The following SLC29A2 variants were observed in gnomAD, a reference collection of about 807,000 sequenced individuals.
SLC29A2 encodes the protein solute carrier family 29 member 2.
SLC29A2 carries 37 observed loss-of-function variants against 48.8 expected under a neutral mutation model. The ratio of observed to expected loss-of-function variants is 0.76; its 90% CI spans 0.58 to 1.00. SLC29A2 has a LOEUF of 1.00. Among genes scored for constraint, SLC29A2 ranks in the 50% least tolerant of loss-of-function variants. The pLI is 0.00. For missense variants in SLC29A2, 533 were observed against 578.6 expected, an observed-to-expected ratio of 0.92 and a Z score of 0.81; for synonymous variants, 233 against 261.7, an observed-to-expected ratio of 0.89 and a Z score of 1.06.
chr11:66,366,307 GAGC>G (rs1855689949), intron 8 of SLC29A2, 76 bp from the exon 9 acceptor site: 2 of 1,595,844 alleles, frequency 1.3e-6, no homozygotes, highest in African/African-American at 2.7e-5. Context: ...CCCCATGTGG[GAGC>G]AGGACACTTG....
chr11:66,365,870 CT>C, intron 10 of SLC29A2, 65 bp downstream of exon 10: 2 of 1,475,068 alleles, frequency 1.4e-6, no homozygotes, highest in Non-Finnish European at 1.9e-6. Context: ...CCTCCATGCT[CT>C]TTCAAGCCCT....
Position 66,363,430 on chromosome 11 carries a change from G to A in SLC29A2, c.*6C>T. 6.3e-7 allele frequency: 1 copy of A among 1,596,980 alleles called. No homozygotes were observed. The highest frequency in any genetic ancestry group is 2.2e-5 in the East Asian group (1 of 44,798). On this transcript the variant is annotated 3_prime_UTR_variant, in exon 12 of 12. Coordinates refer to ENST00000357440, the MANE Select transcript of SLC29A2 (RefSeq NM_001532.3). ...AGAGGCTGCCAAAGAGCCTGGAGGG[G>A]CCACTTCAGAGCAGCGCCTTGAAGA... is the stretch of plus-strand genomic sequence containing the variant.
In SLC29A2 at chr11:66,368,631, C is replaced by T. The variant is rs1256747357; in HGVS notation, c.456G>A (p.Leu152=). 1.9e-6 allele frequency: 3 copies of T among 1,603,894 alleles called. No homozygotes were observed. Among genetic ancestry groups the T allele is most frequent in the Non-Finnish European group, 2.6e-6 (3 of 1,175,380 alleles). The change falls in exon 5 of 12, where the codon CTG becomes CTA. Residue 152 remains leucine (L), a synonymous_variant. Transcript: ENST00000357440. ...TGCTGTAGGTGGAGGGCATGGTGCC[C>T]AGCTGCCCGAAGAGGCTGCCCTGTA... ...AVLQGSLFGQ[L]GTMPSTYSTL...
rs751502040 is a variant in SLC29A2, at chr11:66,364,243, G to C, written c.1241C>G (p.Thr414Ser). The C allele has an allele frequency of 6.8e-6, 11 of 1,612,488 alleles. No homozygotes were observed. Among genetic ancestry groups the C allele is most frequent in the African/African-American group, 1.3e-5 (1 of 74,894 alleles). ...AVSNGYLVSL[T>S]MCLAPRQVLP... ...CCCGGACCTGGGCGCCAGGCACATG[G>C]TGAGGGACACCAGGTAGCCATTAGA... Residue 414 changes from threonine (T) to serine (S), a missense_variant, in exon 11 of 12, where the codon ACC becomes AGC. By Grantham distance (58) the Thr-to-Ser change is moderately conservative. Transcript: ENST00000357440.
In SLC29A2 at chr11:66,366,155, A is replaced by G; in HGVS notation, c.944T>C (p.Val315Ala). The change falls in exon 9 of 12, where the codon GTG becomes GCG. Residue 315 changes from valine to alanine, a missense_variant. Transcript: ENST00000357440. ...CTTCCCAGGACTGGTGGAGCTGGTC[A>G]CCATGGCTGTGATGGCGGGGAAGAC... is the stretch of plus-strand genomic sequence containing the variant. ...LSVFPAITAMVTSSTSPGKWS... is the reference protein window; with the variant it reads ...LSVFPAITAMATSSTSPGKWS... 1 of 1,614,206 alleles carries G rather than the reference A, an allele frequency of 6.2e-7. No homozygotes were observed. The highest frequency in any genetic ancestry group is 8.5e-7 in the Non-Finnish European group (1 of 1,180,018).
In SLC29A2 at chr11:66,371,281, G is replaced by A; in HGVS notation, c.74C>T (p.Thr25Ile). 3 of 1,613,886 alleles carry A rather than the reference G, an allele frequency of 1.9e-6. No homozygotes were observed. Among genetic ancestry groups the A allele is most frequent in the Non-Finnish European group, 2.5e-6 (3 of 1,180,016 alleles). ...GISFFILGLG[T>I]LLPWNFFITA... ...GATGAAGAAGTTCCAGGGAAGGAGG[G>A]TGCCCAGCCCCAGGATGAAGAAGCT... The change falls in exon 2 of 12, where the codon ACC becomes ATC. Residue 25 changes from threonine to isoleucine, a missense_variant. Thr to Ile is a moderately conservative substitution (Grantham distance 89). Transcript: ENST00000357440.
Position 66,366,170 on chromosome 11 carries a change from G to A in SLC29A2, c.929C>T (p.Ala310Val), listed in dbSNP as rs374487586. 13 of 1,614,080 alleles carry A rather than the reference G, an allele frequency of 8.1e-6. No individual in the cohort carries two copies. Among genetic ancestry groups the A allele is most frequent in the Non-Finnish European group, 5.9e-6 (7 of 1,180,042 alleles). The change falls in exon 9 of 12, where the codon GCC becomes GTC. Residue 310 changes from alanine (A) to valine (V), a missense_variant. Transcript: ENST00000357440. Reference protein sequence around the residue: ...VFTVTLSVFPAITAMVTSSTS... With the variant: ...VFTVTLSVFPVITAMVTSSTS... The stretch of plus-strand genomic sequence containing the variant: ...GGAGCTGGTCACCATGGCTGTGATG[G>A]CGGGGAAGACGGACAGGGTGACTGT...
chr11:66,364,411 C>T lies in SLC29A2; in HGVS notation c.1073G>A (p.Ser358Asn), dbSNP rs748068493. ...GCAGACCAGCAGGGGCAGCAGCCGG[C>T]TGTCCTCGTCTGGCTGTGGTAGAAG... ...TSYFLWPDED[S>N]RLLPLLVCLR... The change falls in exon 11 of 12, where the codon AGC (serine) becomes AAC (asparagine). Residue 358 changes from serine to asparagine, a missense_variant. Physicochemically the swap from Ser to Asn is conservative, Grantham distance 46 (BLOSUM62 1). Transcript: ENST00000357440. The T allele has an allele frequency of 2.5e-6, 4 of 1,610,414 alleles. No individual in the cohort carries two copies. Among genetic ancestry groups the T allele is most frequent in the Non-Finnish European group, 3.4e-6 (4 of 1,178,584 alleles).
In SLC29A2 at chr11:66,363,348, A is replaced by G. The variant is rs957550178; in HGVS notation, c.*88T>C. On this transcript the variant is annotated 3_prime_UTR_variant, in exon 12 of 12. Coordinates refer to ENST00000357440, the MANE Select transcript of SLC29A2 (RefSeq NM_001532.3). The stretch of plus-strand genomic sequence containing the variant: ...GGGGCCTCCACCCCGCAGAGGCCTG[A>G]GCCAAGCTCGCCATTCGCCCTGGGC... The G allele has an allele frequency of 3.7e-6, 4 of 1,093,002 alleles. No homozygotes were observed. Among genetic ancestry groups the G allele is most frequent in the Non-Finnish European group, 5.5e-6 (4 of 722,858 alleles). The allele number at this position is 1,093,002 out of a possible 1,614,324, so 67.7% of individuals were successfully genotyped here.
chr11:66,369,266 A>G, intron 3 of SLC29A2, 67 bp from the exon 4 acceptor site: 2 of 1,589,016 alleles, frequency 1.3e-6, no homozygotes, highest in South Asian at 2.2e-5. Flanking sequence ...AGGAGGCTCG[A>G]CACCTGGGGC....
Position 66,369,433 on chromosome 11 carries a change from C to T in SLC29A2, c.211G>A (p.Val71Met). The T allele has an allele frequency of 6.2e-7, 1 of 1,614,098 alleles. No homozygotes were observed. The highest frequency in any genetic ancestry group is 8.5e-7 in the Non-Finnish European group (1 of 1,179,994). The change falls in exon 3 of 12, where the codon GTG becomes ATG. Residue 71 changes from valine (V) to methionine (M), a missense_variant. Val to Met is a conservative substitution (Grantham distance 21). Coordinates refer to ENST00000357440, the MANE Select transcript of SLC29A2 (RefSeq NM_001532.3). ...PEDAFNFNNW[V>M]TLLSQLPLLL... ...AGGGGCAGCTGGGACAGCAGCGTCACCCAATTGTTGAAGTTGAAGGCATCC... is the reference window on the plus strand; with the variant it reads ...AGGGGCAGCTGGGACAGCAGCGTCATCCAATTGTTGAAGTTGAAGGCATCC...
In SLC29A2 at chr11:66,369,362, C is replaced by T; in HGVS notation, c.275+7G>A. 2 of 1,613,864 alleles carry T rather than the reference C, an allele frequency of 1.2e-6. No individual in the cohort carries two copies. Among genetic ancestry groups the T allele is most frequent in the Non-Finnish European group, 1.7e-6 (2 of 1,179,888 alleles). ...AGAGGGCGCAGGAGCCAGGGCAGGC[C>T]TCTCACCACTGGTACAGGAAGGAGT... is the stretch of plus-strand genomic sequence containing the variant. On this transcript the variant is annotated splice_region_variant and intron_variant, in intron 3 of 11. Coordinates refer to ENST00000357440, the MANE Select transcript of SLC29A2 (RefSeq NM_001532.3).
At position 66,366,464 on chromosome 11, in the gene SLC29A2, T is replaced by C; in HGVS notation, c.834A>G (p.Pro278=). 6.2e-7 allele frequency: 1 copy of C among 1,614,218 alleles called. No homozygotes were observed. The highest frequency in any genetic ancestry group is 1.1e-5 in the South Asian group (1 of 91,082). Residue 278 remains proline, a synonymous_variant, in exon 8 of 12, where the codon CCA becomes CCG. Coordinates refer to ENST00000357440, the MANE Select transcript of SLC29A2 (RefSeq NM_001532.3). ...PESEPDEPQK[P]GKPSVFTVFQ... ...AGACAGTGAAGACTGAAGGTTTTCC[T>C]GGCTTCTGGGGCTCATCTGGCTCTG...
In SLC29A2 at chr11:66,369,441, T is replaced by G; in HGVS notation, c.203A>C (p.Asn68Thr). ...HTGPEDAFNF[N>T]NWVTLLSQLP... ...CTGGGACAGCAGCGTCACCCAATTGTTGAAGTTGAAGGCATCCTCGGGACC... is the reference window on the plus strand; with the variant it reads ...CTGGGACAGCAGCGTCACCCAATTGGTGAAGTTGAAGGCATCCTCGGGACC... The change falls in exon 3 of 12, where the codon AAC becomes ACC. Residue 68 changes from asparagine (N) to threonine (T), a missense_variant. By Grantham distance (65) the Asn-to-Thr change is moderately conservative. Transcript: ENST00000357440. The G allele has an allele frequency of 1.2e-6, 2 of 1,614,074 alleles. No individual in the cohort carries two copies. The highest frequency in any genetic ancestry group is 1.7e-6 in the Non-Finnish European group (2 of 1,179,986).
In SLC29A2 at chr11:66,367,993, T is replaced by C. The variant is rs1048969349; in HGVS notation, c.551-124A>G. The C allele has an allele frequency of 8.0e-6, 6 of 752,476 alleles. No homozygotes were observed. The East Asian group carries it at 8.0e-5, about 10-fold the overall frequency. 46.6% of individuals were successfully genotyped at this position (752,476 alleles called of 1,614,324 possible). ...ACCCACTCCCAGCCTCTTCCGCTCCTCCCTTCACTGACAAATGGGAATCTT... is the reference window on the plus strand; with the variant it reads ...ACCCACTCCCAGCCTCTTCCGCTCCCCCCTTCACTGACAAATGGGAATCTT... On this transcript the variant is annotated intron_variant, in intron 5 of 11. Transcript: ENST00000357440.
chr11:66,369,384 G>T lies in SLC29A2; in HGVS notation c.260C>A (p.Ser87Tyr), dbSNP rs527456810. 1.2e-6 allele frequency: 2 copies of T among 1,614,112 alleles called. No homozygotes were observed. The highest frequency in any genetic ancestry group is 2.2e-5 in the South Asian group (2 of 91,082). The change falls in exon 3 of 12, where the codon TCC becomes TAC. Residue 87 changes from serine (S) to tyrosine (Y), a missense_variant. Coordinates refer to ENST00000357440, the MANE Select transcript of SLC29A2 (RefSeq NM_001532.3). The part of the protein sequence containing the change: ...LPLLLFTLLN[S>Y]FLYQCVPETV... ...GGCCTCTCACCACTGGTACAGGAAG[G>T]AGTTGAGGAGGGTGAAGAGCAGCAG...
At chr11:66,367,569 G>C in intron 6 of SLC29A2, 21 bp from the exon 7 acceptor site, 2 of 1,612,596 alleles carry the variant, frequency 1.2e-6, no homozygotes, top group Non-Finnish European at 8.5e-7. Flanking sequence ...ACAGGAAAGT[G>C]TTGGGCCTGC....
At chr11:66,371,897 C>G (rs1005017230), upstream of SLC29A2, 4 of 468,238 alleles carry the variant, frequency 8.5e-6, no homozygotes, top group Admixed American at 8.1e-5. Flanking sequence ...CTGCGGAACC[C>G]GCCCGCTCCC....
chr11:66,370,776 G>A (rs1425222631), intron 2 of SLC29A2, among the ~76,000 whole-genome samples: 1 of 150,994 alleles, frequency 6.6e-6, no homozygotes, highest in Non-Finnish European at 1.5e-5. Flanking sequence ...GGAGAATGGC[G>A]TGAACCCGGG....
Sources: allele counts gnomAD v4.1 joint callset (sites outside exome capture counted in the v4.1 genomes callset), GRCh38; gene constraint gnomAD v4.1.1; transcripts MANE v1.5; gene names NCBI Gene and HGNC (gene_info 2026-07-23, HGNC 2026-07-21).